CADPS2: variants seen among roughly 807,000 people sequenced by gnomAD.
CADPS2 encodes calcium dependent secretion activator 2, also known as calcium-dependent secretion activator 2.
A neutral mutation model predicts 172.5 loss-of-function variants in CADPS2; 93 were observed. The observed-to-expected ratio is 0.54, with a 90% CI of 0.46 to 0.64. CADPS2 has a LOEUF of 0.64. Ranked by LOEUF, CADPS2 falls within the 30% of genes least tolerant of loss-of-function variation. The pLI, the probability that CADPS2 is intolerant of heterozygous loss-of-function variation, is 0.00. For missense variants in CADPS2, 1,420 were observed against 1,565.9 expected (o/e 0.91, Z 1.57); for synonymous variants, 546 against 555.2 (o/e 0.98, Z 0.23).
At chr7:122,335,100 T>G (rs2035636343) in intron 28 of CADPS2, among the ~76,000 whole-genome samples, 1 of 152,210 alleles carries the variant, frequency 6.6e-6, no homozygotes. Flanking sequence ...ATCTCAACAT[T>G]TCCCACCATT....
At chr7:122,479,764 C>T (rs2057078192) in intron 12 of CADPS2, among the ~76,000 whole-genome samples, 2 of 152,086 alleles carry the variant, frequency 1.3e-5, no homozygotes, top group South Asian at 2.1e-4. Flanking sequence ...AAGACAAATG[C>T]TTTCCCTATG....
At position 122,414,096 on chromosome 7, in the gene CADPS2, T is replaced by C; in HGVS notation, c.2581-20A>G. 6.5e-7 allele frequency: 1 copy of C among 1,528,398 alleles called. No homozygotes were observed. Among genetic ancestry groups the C allele is most frequent in the East Asian group, 2.4e-5 (1 of 41,760 alleles). 94.7% of individuals were successfully genotyped at this position (1,528,398 alleles called of 1,614,324 possible). A position where few individuals can be genotyped will look rare whatever the true frequency, so the allele number is the denominator to read the frequency against. ...TCTTCCCTGAGGGTTTCCAAGAATT[T>C]GGAAGCATTGCAGAGTAGAACAATT... On this transcript the variant is annotated intron_variant, in intron 18 of 29. Transcript: ENST00000449022.
At chr7:122,583,834 TATC>T (rs1281154559) in intron 6 of CADPS2, among the ~76,000 whole-genome samples, 1 of 150,968 alleles carries the variant, frequency 6.6e-6, no homozygotes, top group African/African-American at 2.4e-5. Flanking sequence ...TGTATATTCA[TATC>T]ATATACATCA....
At chr7:122,774,732 G>A (rs934935939) in intron 1 of CADPS2, among the ~76,000 whole-genome samples, 10 of 152,088 alleles carry the variant, frequency 6.6e-5, no homozygotes, top group Non-Finnish European at 1.5e-4. Context: ...TTAAATGGAT[G>A]TAGGAAAGCA....
chr7:122,533,270 A>G, intron 8 of CADPS2, among the ~76,000 whole-genome samples: 1 of 152,296 alleles, frequency 6.6e-6, no homozygotes, highest in Middle Eastern at 3.4e-3. Context: ...TAGTTAAAAA[A>G]ATAGCCTGGA....
chr7:122,611,559 T>A (rs150150930), intron 6 of CADPS2, among the ~76,000 whole-genome samples: 2 of 152,046 alleles, frequency 1.3e-5, no homozygotes, highest in Non-Finnish European at 2.9e-5. Flanking sequence ...AATGAATAGA[T>A]CTATAACATG....
intron 1 of CADPS2, among the ~76,000 whole-genome samples, chr7:122,765,149 G>C (rs1463237525): frequency 6.6e-6 from 1 of 152,100 alleles, no homozygotes; most frequent in Non-Finnish European, 1.5e-5. Flanking sequence ...ACAAAGTTCA[G>C]GCATTCCAAA....
chr7:122,624,771 G>A (rs1371433925), intron 4 of CADPS2, among the ~76,000 whole-genome samples: 1 of 152,188 alleles, frequency 6.6e-6, no homozygotes, highest in African/African-American at 2.4e-5. Flanking sequence ...GTAAGACTCA[G>A]TCATTTGATA....
chr7:122,521,914 T>C (rs559361369), intron 8 of CADPS2, among the ~76,000 whole-genome samples: 27 of 152,116 alleles, frequency 1.8e-4, no homozygotes, highest in Non-Finnish European at 3.2e-4. Flanking sequence ...ATATCAGCAC[T>C]GTAACAGTTT....
rs2031761100 is a variant in CADPS2 at position 122,318,476 on chromosome 7, C to G, written c.*1689G>C. ...AAAGGAAAAGAAGGGTGGGTAATTA[C>G]TAAGTACAGAGCAATGTGTCGTGGA... is the stretch of plus-strand genomic sequence containing the variant. On this transcript the variant is annotated 3_prime_UTR_variant, in exon 30 of 30. Transcript: ENST00000449022. 6.6e-6 allele frequency: 1 copy of G among 152,212 alleles called. No homozygotes were observed. Among genetic ancestry groups the G allele is most frequent in the South Asian group, 2.1e-4 (1 of 4,826 alleles). 9.4% of individuals were successfully genotyped at this position (152,212 alleles called of 1,614,324 possible).
intron 3 of CADPS2, among the ~76,000 whole-genome samples, chr7:122,645,166 T>C (rs1301635052): frequency 6.7e-6 from 1 of 149,776 alleles, no homozygotes; most frequent in Non-Finnish European, 1.5e-5. Flanking sequence ...ACCTAGAGAA[T>C]ATGCATATAT....
intron 8 of CADPS2, among the ~76,000 whole-genome samples, chr7:122,521,635 T>G (rs2060805960): frequency 6.6e-6 from 1 of 152,014 alleles, no homozygotes; most frequent in African/African-American, 2.4e-5. Context: ...GAGGTGGGGA[T>G]GCATGGAAAG....
chr7:122,319,966 CAAACA>C lies in CADPS2; in HGVS notation c.*194_*198del. 1.1e-5 allele frequency: 5 copies of C among 465,486 alleles called. No individual in the cohort carries two copies. The highest frequency in any genetic ancestry group is 4.3e-5 in the Admixed American group (1 of 23,160). The allele number at this position is 465,486 out of a possible 1,614,324, so 28.8% of individuals were successfully genotyped here. A position where few individuals can be genotyped will look rare whatever the true frequency, so the allele number is the denominator to read the frequency against. ...TTCTCCAAAAAAACAAACAAACAAA[CAAACA>C]AAAAAAGGAAACAAAAAAACCCCAA... On this transcript the variant is annotated 3_prime_UTR_variant, in exon 30 of 30. Coordinates refer to ENST00000449022, the MANE Select transcript of CADPS2 (RefSeq NM_017954.11).
At chr7:122,398,694 C>A (rs896664366) in intron 20 of CADPS2, among the ~76,000 whole-genome samples, 1 of 147,572 alleles carries the variant, frequency 6.8e-6, no homozygotes, top group African/African-American at 2.5e-5. Flanking sequence ...GAAAAGCCAG[C>A]AGAACTGCAG....
intron 1 of CADPS2, among the ~76,000 whole-genome samples, chr7:122,849,537 C>G (rs749046458): frequency 2.0e-5 from 3 of 152,186 alleles, no homozygotes; most frequent in Non-Finnish European, 4.4e-5. Context: ...CTGTCCGCAA[C>G]ATCTTTATCA....
chr7:122,686,705 C>A (rs2083672594), intron 2 of CADPS2, among the ~76,000 whole-genome samples: 1 of 152,214 alleles, frequency 6.6e-6, no homozygotes, highest in South Asian at 2.1e-4. Flanking sequence ...CTGTTCTCCA[C>A]CCTGACAGAG....
chr7:122,860,666 T>A (rs138894170), intron 1 of CADPS2, among the ~76,000 whole-genome samples: 1 of 152,190 alleles, frequency 6.6e-6, no homozygotes. Context: ...TACTATGCAA[T>A]AGAATATCAG....
chr7:122,372,399 A>G (rs528821464), intron 25 of CADPS2, among the ~76,000 whole-genome samples: 1 of 152,306 alleles, frequency 6.6e-6, no homozygotes, highest in African/African-American at 2.4e-5. Flanking sequence ...CAGAGAGGGA[A>G]GGCCAAGACC....
chr7:122,575,564 G>A (rs1424509538), intron 7 of CADPS2, among the ~76,000 whole-genome samples: 1 of 151,640 alleles, frequency 6.6e-6, no homozygotes, highest in Non-Finnish European at 1.5e-5. Context: ...AGCCTCCCAA[G>A]TAGGTGGGAT....
Sources: allele counts gnomAD v4.1 joint callset (sites outside exome capture counted in the v4.1 genomes callset), GRCh38; gene constraint gnomAD v4.1.1; transcripts MANE v1.5; gene names NCBI Gene and HGNC (gene_info 2026-07-23, HGNC 2026-07-21).